Variants in RPL31 observed in about 807,000 individuals in gnomAD.
RPL31 encodes the protein large ribosomal subunit protein eL31.
For synonymous variants in RPL31, 51 were observed against 55.0 expected, an observed-to-expected ratio of 0.93 and a Z score of 0.32; for missense variants, 95 against 164.0, an observed-to-expected ratio of 0.58 and a Z score of 2.30.
At chr2:101,017,537 G>A (rs1194065734) in intron 4 of RPL31, among the ~76,000 whole-genome samples, 3 of 152,142 alleles carry the variant, frequency 2.0e-5, no homozygotes, top group South Asian at 4.1e-4. Flanking sequence ...CATCATACAT[G>A]CTGTCTATCC....
intron 1 of RPL31, 75 bp from the exon 2 acceptor site, chr2:101,002,627 G>C: frequency 8.1e-7 from 1 of 1,242,040 alleles, no homozygotes; most frequent in South Asian, 1.2e-5. Context: ...GAGAGTGACA[G>C]CGTGAGGCTG....
At chr2:101,003,253 T>G (rs142008987) in intron 2 of RPL31, among the ~76,000 whole-genome samples, 3 of 152,342 alleles carry the variant, frequency 2.0e-5, no homozygotes, top group African/African-American at 7.2e-5. Flanking sequence ...TGAATGTTTT[T>G]TCCACAAATA....
downstream of RPL31, chr2:101,007,704 G>T: frequency 9.4e-7 from 1 of 1,059,640 alleles, no homozygotes; most frequent in Non-Finnish European, 1.4e-6. Context: ...AGGTTGTTTA[G>T]CCAGATGCCC....
chr2:101,005,961 A>G lies in RPL31; in HGVS notation c.236A>G (p.Asn79Ser). The change falls in exon 4 of 5, where the codon AAT (asparagine) becomes AGT (serine). Residue 79 changes from asparagine to serine, a missense_variant and splice_region_variant. Coordinates refer to ENST00000264258, the MANE Select transcript of RPL31 (RefSeq NM_000993.5). ...NKAVWAKGIR[N>S]VPYRIRVRLS... ...CAACACAATTATGTTTTTATTAGGA[A>G]TGTGCCATACCGAATCCGTGTGCGG... 1 of 1,611,978 alleles carries G rather than the reference A, an allele frequency of 6.2e-7. No homozygotes were observed. Among genetic ancestry groups the G allele is most frequent in the Non-Finnish European group, 8.5e-7 (1 of 1,179,664 alleles).
intron 4 of RPL31, among the ~76,000 whole-genome samples, chr2:101,017,668 T>C (rs1291124566): frequency 6.6e-6 from 1 of 152,192 alleles, no homozygotes; most frequent in Non-Finnish European, 1.5e-5. Context: ...TATTTCCAAT[T>C]GTACTACACA....
Position 101,014,087 on chromosome 2 carries a change from A to C in RPL31, c.347-4911A>C, listed in dbSNP as rs76823413. 1.9e-3 allele frequency among the ~76,000 whole-genome samples: 294 copies of C among 152,360 alleles called. 5 individuals are homozygous for C. The highest frequency in any genetic ancestry group is 0.018 in the East Asian group (94 of 5,182). ...AACAGCTACTGGAGGCAGGGATCAT[A>C]CATCCAATTTCTTAGTGGTGGCTTC... is the stretch of plus-strand genomic sequence containing the variant. On this transcript the variant is annotated intron_variant, in intron 4 of 4. Coordinates refer to the RPL31 transcript ENST00000409028.
At chr2:101,003,038 C>T (rs544993434) in intron 2 of RPL31, among the ~76,000 whole-genome samples, 5 of 152,308 alleles carry the variant, frequency 3.3e-5, no homozygotes, top group Admixed American at 2.0e-4. Context: ...CGAATGCGGA[C>T]AGCAGCAGCT....
chr2:101,011,009 G>C, downstream of RPL31: 2 of 1,612,448 alleles, frequency 1.2e-6, no homozygotes, highest in Non-Finnish European at 1.7e-6. Context: ...AGCTGTTTCT[G>C]ATAATCAACT....
chr2:101,011,100 A>C (rs1199408591), downstream of RPL31: 1 of 1,419,592 alleles, frequency 7.0e-7, no homozygotes, highest in Admixed American at 1.8e-5. Context: ...ACTATGTAGG[A>C]GAGAGGAGCA....
chr2:101,002,918 TTTCA>T, intron 2 of RPL31, 110 bp downstream of exon 2: 2 of 760,654 alleles, frequency 2.6e-6, no homozygotes, highest in Non-Finnish European at 4.5e-6. Context: ...GCCTTCCCTG[TTTCA>T]TTCATTGGCA....
At chr2:101,013,995 G>A (rs1679429296) in intron 4 of RPL31, among the ~76,000 whole-genome samples, 2 of 152,194 alleles carry the variant, frequency 1.3e-5, no homozygotes, top group Admixed American at 1.3e-4. Context: ...GTCATTGATA[G>A]GAAAATCAAC....
chr2:101,017,267 GTTTATTT>G (rs903410403), intron 4 of RPL31, among the ~76,000 whole-genome samples: 16 of 151,958 alleles, frequency 1.1e-4, no homozygotes, highest in Non-Finnish European at 1.3e-4. Context: ...CTGTTTTACA[GTTTATTT>G]TTTTTAATAA....
intron 4 of RPL31, among the ~76,000 whole-genome samples, chr2:101,016,952 C>T (rs1679693515): frequency 6.6e-6 from 1 of 151,892 alleles, no homozygotes; most frequent in South Asian, 2.1e-4. Context: ...GGAGGGATAG[C>T]ATTAGGAGAT....
At chr2:101,018,119 G>GT in intron 4 of RPL31, 1 of 551,632 alleles carries the variant, frequency 1.8e-6, no homozygotes, top group Non-Finnish European at 3.2e-6. Flanking sequence ...TTCATATAAA[G>GT]TTTTCAGAAT....
intron 1 of RPL31, 155 bp downstream of exon 1, chr2:101,002,470 C>T: frequency 5.2e-6 from 3 of 577,002 alleles, no homozygotes; most frequent in Non-Finnish European, 9.4e-6. Context: ...CTCCCAGAGC[C>T]TGAGGAAGAA....
At chr2:101,007,691 G>T, downstream of RPL31, 1 of 928,278 alleles carries the variant, frequency 1.1e-6, no homozygotes, top group Non-Finnish European at 1.6e-6. Flanking sequence ...GCCACAGTTT[G>T]TCAGGTTGTT....
rs1679862081 is a variant in RPL31 at position 101,019,031 on chromosome 2, GC to G, written c.383del (p.Pro128HisfsTer10). 3.1e-6 allele frequency: 5 copies of G among 1,611,956 alleles called. No individual in the cohort carries two copies. The East Asian group carries it at 1.1e-4, about 36-fold the overall frequency. On this transcript the variant is annotated frameshift_variant, in exon 5 of 5. Coordinates refer to the RPL31 transcript ENST00000409028. LOFTEE classifies it high-confidence loss of function. The stretch of plus-strand genomic sequence containing the variant: ...CTAAACAGTGTTACAGTCGCCAAGA[GC>G]CCATAAAGGGAGCCCTCCTGGAAGT...
chr2:101,003,233 T>TC (rs1210945977), intron 2 of RPL31, among the ~76,000 whole-genome samples: 1 of 152,192 alleles, frequency 6.6e-6, no homozygotes, highest in East Asian at 1.9e-4. Flanking sequence ...ACCCTTTTTT[T>TC]CCCTATGCCT....
intron 3 of RPL31, chr2:101,004,554 G>A (rs368015511): frequency 3.8e-5 from 17 of 451,186 alleles, no homozygotes; most frequent in Non-Finnish European, 5.8e-5. Context: ...ATCTGGGAGC[G>A]GGGTGGTGAA....
Sources: gnomAD v4.1 joint callset for allele counts (sites outside exome capture counted in the v4.1 genomes callset) on GRCh38, gnomAD v4.1.1 for gene constraint, MANE v1.5 for transcripts, NCBI Gene and HGNC (gene_info 2026-07-23, HGNC 2026-07-21) for gene names.